The following WWC2 variants were observed in gnomAD, a reference collection of about 807,000 sequenced individuals.
The protein encoded by WWC2 is protein WWC2.
WWC2 carries 101 observed loss-of-function variants against 138.5 expected under a neutral mutation model. The observed-to-expected ratio is 0.73, with a 90% CI of 0.62 to 0.86. The LOEUF (loss-of-function observed/expected upper bound fraction) is 0.86, where lower values mean the gene tolerates loss of function less well. Among genes scored for constraint, WWC2 ranks in the 40% least tolerant of loss-of-function variants. WWC2 has a pLI of 0.00. For missense variants in WWC2, 1,420 were observed against 1,419.4 expected (o/e 1.00, Z -0.01); for synonymous variants, 558 against 538.4 (o/e 1.04, Z -0.50).
intron 21 of WWC2, among the ~76,000 whole-genome samples, chr4:183,303,792 T>C (rs1738940500): frequency 6.6e-6 from 1 of 152,170 alleles, no homozygotes. Flanking sequence ...TGGAGTAATA[T>C]AAACAGTTAT....
chr4:183,154,397 A>T (rs1733737562), intron 1 of WWC2, among the ~76,000 whole-genome samples: 3 of 152,122 alleles, frequency 2.0e-5, no homozygotes, highest in Non-Finnish European at 4.4e-5. Context: ...AGTTGTGAAA[A>T]CTGTATTTGG....
intron 2 of WWC2, among the ~76,000 whole-genome samples, chr4:183,205,245 T>A (rs1735416752): frequency 6.6e-6 from 1 of 152,196 alleles, no homozygotes; most frequent in Non-Finnish European, 1.5e-5. Flanking sequence ...GTTTTTAAAT[T>A]CTAGCCATTT....
At chr4:183,135,748 A>ATC (rs1733090708) in intron 1 of WWC2, among the ~76,000 whole-genome samples, 1 of 152,158 alleles carries the variant, frequency 6.6e-6, no homozygotes, top group Non-Finnish European at 1.5e-5. Flanking sequence ...TTTGTCAAAG[A>ATC]TCTGCTGGTT....
intron 4 of WWC2, among the ~76,000 whole-genome samples, chr4:183,209,515 G>A (rs981550443): frequency 9.9e-5 from 15 of 152,170 alleles, no homozygotes; most frequent in African/African-American, 3.6e-4. Flanking sequence ...GGGATTATAG[G>A]TGTGAGTCAC....
intron 1 of WWC2, among the ~76,000 whole-genome samples, chr4:183,106,104 C>T (rs1743348064): frequency 6.6e-6 from 1 of 151,886 alleles, no homozygotes; most frequent in Non-Finnish European, 1.5e-5. Context: ...CTGCCTCAGC[C>T]TCCCGAGTAG....
At chr4:183,314,139 A>G (rs1739357887) in intron 22 of WWC2, among the ~76,000 whole-genome samples, 1 of 152,032 alleles carries the variant, frequency 6.6e-6, no homozygotes, top group South Asian at 2.1e-4. Flanking sequence ...GTGGGCTCAC[A>G]GCTCTTTCAT....
chr4:183,315,981 A>T lies in WWC2; in HGVS notation c.*252A>T. ...ATAACCTGGTACACAAATGTTGCCC[A>T]GTATGTGCGCATTGCCAGTGGACTT... On this transcript the variant is annotated 3_prime_UTR_variant, in exon 23 of 23. Coordinates refer to ENST00000403733, the MANE Select transcript of WWC2 (RefSeq NM_024949.6). 2.6e-6 allele frequency: 1 copy of T among 386,004 alleles called. No individual in the cohort carries two copies. Among genetic ancestry groups the T allele is most frequent in the South Asian group, 2.7e-5 (1 of 36,690 alleles). 23.9% of individuals were successfully genotyped at this position (386,004 alleles called of 1,614,324 possible). A position where few individuals can be genotyped will look rare whatever the true frequency, so the allele number is the denominator to read the frequency against.
chr4:183,289,661 C>G lies in WWC2; in HGVS notation c.3384+26C>G, dbSNP rs369587795. ...GTACGCAGCTCAGGGTCTGTCATCT[C>G]GGAGGGGCTTACATCTTTTTTTAAA... On this transcript the variant is annotated intron_variant, in intron 21 of 22. Transcript: ENST00000403733. 1.9e-6 allele frequency: 3 copies of G among 1,607,448 alleles called. No homozygotes were observed. The Admixed American group carries it at 5.1e-5, about 27-fold the overall frequency.
intron 1 of WWC2, among the ~76,000 whole-genome samples, chr4:183,173,665 G>A (rs1304245863): frequency 4.0e-5 from 6 of 151,894 alleles, no homozygotes; most frequent in African/African-American, 9.7e-5. Flanking sequence ...ATCGATGCTT[G>A]TGTTGAGATT....
rs1163382412 is a variant in WWC2, at chr4:183,268,909, T to C, written c.2208-62T>C. The C allele has an allele frequency of 2.8e-6, 4 of 1,446,380 alleles. No homozygotes were observed. In the African/African-American group the frequency reaches 5.7e-5, roughly 20 times the overall value. 89.6% of individuals were successfully genotyped at this position (1,446,380 alleles called of 1,614,324 possible). On this transcript the variant is annotated intron_variant, in intron 14 of 22. Coordinates refer to ENST00000403733, the MANE Select transcript of WWC2 (RefSeq NM_024949.6). ...TCTCTTTGCAGATAATTTCAAATGA[T>C]AGCTGTGAATCTGGTATAATTAAAG...
Position 183,319,579 on chromosome 4 carries a change from T to C in WWC2, c.*3850T>C. 1.2e-6 allele frequency: 2 copies of C among 1,612,810 alleles called. No individual in the cohort carries two copies. The highest frequency in any genetic ancestry group is 1.7e-6 in the Non-Finnish European group (2 of 1,179,410). On this transcript the variant is annotated 3_prime_UTR_variant, in exon 23 of 23. Transcript: ENST00000403733. ...GCTTAGTGTTTCAGGTTGGTGTTTCTCGTCTCCAGTTCTTGATGATGATCT... is the reference window on the plus strand; with the variant it reads ...GCTTAGTGTTTCAGGTTGGTGTTTCCCGTCTCCAGTTCTTGATGATGATCT...
chr4:183,285,102 G>A (rs1170268714), intron 19 of WWC2, among the ~76,000 whole-genome samples: 1 of 152,168 alleles, frequency 6.6e-6, no homozygotes, highest in East Asian at 1.9e-4. Context: ...TTACATTCCT[G>A]TGAATCGAGC....
Position 183,105,246 on chromosome 4 carries a change from A to T in WWC2, c.131+5624A>T, listed in dbSNP as rs368766729. Reference sequence around the variant, plus strand: ...ATCCCTAAGCTTCATCTACATAGTCAGCCATTGTGACATGTGGCCTTCAAC... The same window carrying T: ...ATCCCTAAGCTTCATCTACATAGTCTGCCATTGTGACATGTGGCCTTCAAC... On this transcript the variant is annotated intron_variant, in intron 1 of 22. Coordinates refer to ENST00000403733, the MANE Select transcript of WWC2 (RefSeq NM_024949.6). Among the ~76,000 whole-genome samples, 13 of 152,330 alleles carry T rather than the reference A, an allele frequency of 8.5e-5. 1 individual carries two copies. The highest frequency in any genetic ancestry group is 2.9e-4 in the African/African-American group (12 of 41,562).
intron 19 of WWC2, among the ~76,000 whole-genome samples, chr4:183,285,603 T>G (rs1468911668): frequency 6.6e-6 from 1 of 151,774 alleles, no homozygotes; most frequent in African/African-American, 2.4e-5. Flanking sequence ...CTACTAAAAA[T>G]AGAAAAATTA....
At position 183,319,773 on chromosome 4, in the gene WWC2, C is replaced by T; in HGVS notation, c.*4044C>T. ...GACAAAGTCTGGGACGTTCTCATCC[C>T]AGAACTCCTGAACCGTCTTGTGGGC... On this transcript the variant is annotated 3_prime_UTR_variant, in exon 23 of 23. Coordinates refer to ENST00000403733, the MANE Select transcript of WWC2 (RefSeq NM_024949.6). 1 of 1,614,024 alleles carries T rather than the reference C, an allele frequency of 6.2e-7. No individual in the cohort carries two copies. The highest frequency in any genetic ancestry group is 8.5e-7 in the Non-Finnish European group (1 of 1,179,970).
chr4:183,222,001 A>G (rs1212784462), intron 4 of WWC2, among the ~76,000 whole-genome samples: 3 of 152,204 alleles, frequency 2.0e-5, no homozygotes, highest in Non-Finnish European at 4.4e-5. Flanking sequence ...ACCAGCCTAA[A>G]TGTCTATCAA....
intron 4 of WWC2, among the ~76,000 whole-genome samples, chr4:183,210,349 G>A (rs186265167): frequency 6.6e-6 from 1 of 152,178 alleles, no homozygotes; most frequent in East Asian, 1.9e-4. Flanking sequence ...TATGTGGGAT[G>A]AACAAGTCTA....
chr4:183,165,803 GATGAA>G (rs1734114364), intron 1 of WWC2, among the ~76,000 whole-genome samples: 1 of 152,170 alleles, frequency 6.6e-6, no homozygotes, highest in African/African-American at 2.4e-5. Flanking sequence ...AATGTGGTGT[GATGAA>G]ATACACTTGG....
intron 1 of WWC2, among the ~76,000 whole-genome samples, chr4:183,138,957 G>A (rs1307211303): frequency 6.6e-6 from 1 of 152,198 alleles, no homozygotes; most frequent in Non-Finnish European, 1.5e-5. Context: ...TGAGTTTGCA[G>A]AGAATGCTAT....
Sources: allele counts gnomAD v4.1 joint callset (sites outside exome capture counted in the v4.1 genomes callset), GRCh38; gene constraint gnomAD v4.1.1; transcripts MANE v1.5; gene names NCBI Gene and HGNC (gene_info 2026-07-23, HGNC 2026-07-21).